Variants in TTC13 observed in about 807,000 individuals in gnomAD.
TTC13 encodes the protein tetratricopeptide repeat domain 13.
In TTC13, 62 loss-of-function variants were observed where a neutral mutation model predicts 120.0. The observed-to-expected ratio is 0.52, with a 90% CI of 0.42 to 0.64. TTC13 has a LOEUF of 0.64. Among genes scored for constraint, TTC13 ranks in the 30% least tolerant of loss-of-function variants. The pLI, the probability that TTC13 is intolerant of heterozygous loss-of-function variation, is 0.00. For missense variants in TTC13, 824 were observed against 1,050.2 expected (o/e 0.78, Z 2.98); for synonymous variants, 384 against 393.5 (o/e 0.98, Z 0.28).
chr1:230,954,248 G>A (rs928290662), intron 4 of TTC13, 85 bp downstream of exon 4: 42 of 908,178 alleles, frequency 4.6e-5, no homozygotes, highest in East Asian at 1.0e-4. Context: ...AAAACATGTC[G>A]TATTACAGCA....
In TTC13 at chr1:230,944,984, T is replaced by G. The variant is rs1674851109; in HGVS notation, c.579+405A>C. On this transcript the variant is annotated intron_variant, in intron 5 of 22. Transcript: ENST00000366661. The surrounding 1 kb of genome is among the most constrained non-coding windows in gnomAD (Gnocchi z 4.0). ...ACAGCTACAAAGATATTACGCCATA[T>G]GCAAAAAGTATAAAATATAACAAAT... Among the ~76,000 whole-genome samples, 1 of 152,204 alleles carries G rather than the reference T, an allele frequency of 6.6e-6. No homozygotes were observed. Among genetic ancestry groups the G allele is most frequent in the Admixed American group, 6.5e-5 (1 of 15,284 alleles).
chr1:230,923,712 A>G, intron 15 of TTC13, 129 bp downstream of exon 15: 2 of 698,930 alleles, frequency 2.9e-6, no homozygotes, highest in East Asian at 2.6e-5. Context: ...ACAGGTGCAG[A>G]GTCAATCAGT....
In TTC13 at chr1:230,978,580, T is replaced by TG; in HGVS notation, c.250dup (p.Gln84ProfsTer16). ...CTCACCGCCGCACTCGGCAGAGTACTGGTCCCCCCAGTCCCCGGACTGCGG... is the reference window on the plus strand; with the variant it reads ...CTCACCGCCGCACTCGGCAGAGTACTGGGTCCCCCCAGTCCCCGGACTGCGG... On this transcript the variant is annotated frameshift_variant, in exon 1 of 23. Coordinates refer to ENST00000366661, the MANE Select transcript of TTC13 (RefSeq NM_024525.5). LOFTEE classifies it high-confidence loss of function. This position sits in a 1 kb window ranked among gnomAD's most constrained non-coding sequence, Gnocchi z 5.6. 1 of 1,319,166 alleles carries TG rather than the reference T, an allele frequency of 7.6e-7. No homozygotes were observed. Among genetic ancestry groups the TG allele is most frequent in the Non-Finnish European group, 1.0e-6 (1 of 990,788 alleles). 81.7% of individuals were successfully genotyped at this position (1,319,166 alleles called of 1,614,324 possible).
intron 3 of TTC13, chr1:230,956,647 T>C: frequency 3.3e-6 from 1 of 307,026 alleles, no homozygotes; most frequent in Non-Finnish European, 6.3e-6. Flanking sequence ...CATATTTAGA[T>C]GGCTGTCCAC....
chr1:230,965,652 G>T (rs1677054503), intron 1 of TTC13, among the ~76,000 whole-genome samples: 1 of 152,198 alleles, frequency 6.6e-6, no homozygotes, highest in Admixed American at 6.5e-5. Flanking sequence ...TCAGTATATG[G>T]AAGAGATATC....
chr1:230,939,160 T>C (rs1403245789), intron 8 of TTC13, among the ~76,000 whole-genome samples: 1 of 152,382 alleles, frequency 6.6e-6, no homozygotes, highest in East Asian at 1.9e-4. Flanking sequence ...TGATAAATTA[T>C]ATGTGGAAAA....
At chr1:230,977,791 AAT>A (rs1165055254) in intron 1 of TTC13, among the ~76,000 whole-genome samples, 1 of 150,062 alleles carries the variant, frequency 6.7e-6, no homozygotes, top group African/African-American at 2.5e-5. Context: ...AAAACAAAAA[AAT>A]GTACACACGT....
At chr1:230,927,915 C>G (rs922168539) in intron 12 of TTC13, among the ~76,000 whole-genome samples, 1 of 152,060 alleles carries the variant, frequency 6.6e-6, no homozygotes, top group African/African-American at 2.4e-5. Context: ...TTAATTGGCC[C>G]ACTCCCACAT....
chr1:230,961,312 C>A lies in TTC13; in HGVS notation c.272-9G>T. ...GTTCAAAAAGGATGACTCTGAAAGG[C>A]AAGCATTCTTTGTTATTCTCTACAC... On this transcript the variant is annotated splice_polypyrimidine_tract_variant and intron_variant, in intron 1 of 22. Transcript: ENST00000366661. 1 of 1,601,378 alleles carries A rather than the reference C, an allele frequency of 6.2e-7. No homozygotes were observed. Among genetic ancestry groups the A allele is most frequent in the African/African-American group, 1.3e-5 (1 of 74,720 alleles).
rs540520221 is a variant in TTC13, at chr1:230,978,734, CCAG to C, written c.94_96del (p.Leu32del). On this transcript the variant is annotated inframe_deletion, in exon 1 of 23. Coordinates refer to ENST00000366661, the MANE Select transcript of TTC13 (RefSeq NM_024525.5). This position sits in a 1 kb window ranked among gnomAD's most constrained non-coding sequence, Gnocchi z 5.6. ...GGCCGCAGCCCGGCGGACAGGACCC[CCAG>C]CAGCAGCAGCAGCAGGACACGCCGG... The C allele has an allele frequency of 5.0e-4, 710 of 1,429,456 alleles. No homozygotes were observed. Among genetic ancestry groups the C allele is most frequent in the Admixed American group, 2.5e-3 (110 of 44,498 alleles). 88.5% of individuals were successfully genotyped at this position (1,429,456 alleles called of 1,614,324 possible).
rs2102709912 is a variant in TTC13, at chr1:230,906,685, C to T, written c.*220G>A. 3.5e-6 allele frequency: 1 copy of T among 284,048 alleles called. No individual in the cohort carries two copies. Among genetic ancestry groups the T allele is most frequent in the Non-Finnish European group, 6.5e-6 (1 of 152,692 alleles). The allele number at this position is 284,048 out of a possible 1,614,324, so 17.6% of individuals were successfully genotyped here. On this transcript the variant is annotated 3_prime_UTR_variant, in exon 23 of 23. Transcript: ENST00000366661. ...AACAGGCTGCCGGCTAATACATACG[C>T]TTTCCCTCCAAGTCAAGTAGCTTTT...
intron 20 of TTC13, among the ~76,000 whole-genome samples, chr1:230,910,106 C>G (rs1013623035): frequency 1.3e-5 from 2 of 152,274 alleles, no homozygotes; most frequent in South Asian, 2.1e-4. Context: ...AAGGATGGCA[C>G]GAGCACCTGA....
chr1:230,920,408 G>T, intron 17 of TTC13, 102 bp downstream of exon 17: 1 of 832,736 alleles, frequency 1.2e-6, no homozygotes, highest in South Asian at 1.5e-5. Flanking sequence ...TCATACGAGT[G>T]ATTTCAAATA....
At chr1:230,931,215 T>A (rs1460490811) in intron 11 of TTC13, 83 bp downstream of exon 11, 8 of 1,469,848 alleles carry the variant, frequency 5.4e-6, no homozygotes, top group African/African-American at 4.2e-5. Context: ...CACTGTTTCA[T>A]ACGAAACATA....
chr1:230,911,051 T>C (rs772312237), intron 20 of TTC13, among the ~76,000 whole-genome samples: 51 of 152,246 alleles, frequency 3.3e-4, no homozygotes, highest in South Asian at 4.1e-4. Context: ...ATAATAAAAA[T>C]AGTACAGAGT....
rs76909377 is a variant in TTC13, at chr1:230,908,271, T to C, written c.2468+441A>G. The C allele has an allele frequency of 9.6e-4, 353 of 367,826 alleles. 4 individuals are homozygous for C. The East Asian group carries it at 0.026, about 27-fold the overall frequency. The allele number at this position is 367,826 out of a possible 1,614,324, so 22.8% of individuals were successfully genotyped here. A position where few individuals can be genotyped will look rare whatever the true frequency, so the allele number is the denominator to read the frequency against. ...GGTGCAACCATAGCTCACTGCAGCC[T>C]CAAACTCCTAGGCTCAAGAGATCCT... On this transcript the variant is annotated intron_variant, in intron 22 of 22. Transcript: ENST00000366661.
chr1:230,974,747 C>T (rs1467364488), intron 1 of TTC13, among the ~76,000 whole-genome samples: 1 of 152,144 alleles, frequency 6.6e-6, no homozygotes, highest in African/African-American at 2.4e-5. Context: ...GCTGCATCAC[C>T]AGGGTCCAAA....
chr1:230,910,341 G>GCCAAGGCAAACCAGGGC (rs1671376785), intron 20 of TTC13, among the ~76,000 whole-genome samples: 1 of 152,212 alleles, frequency 6.6e-6, no homozygotes, highest in African/African-American at 2.4e-5. Context: ...CGGTGCTGCA[G>GCCAAGGCAAACCAGGGC]CCAAGGCAAA....
chr1:230,934,287 A>G (rs6699234), intron 8 of TTC13, among the ~76,000 whole-genome samples: 103,642 of 151,948 alleles, frequency 0.68, 35,448 homozygotes, highest in Admixed American at 0.72. Flanking sequence ...AAATTGAACC[A>G]AGAGACAAAA....
Sources: gnomAD v4.1 joint callset for allele counts (sites outside exome capture counted in the v4.1 genomes callset) on GRCh38, gnomAD v4.1.1 for gene constraint, Gnocchi (gnomAD v3.1) non-coding constraint, MANE v1.5 for transcripts, NCBI Gene and HGNC (gene_info 2026-07-23, HGNC 2026-07-21) for gene names.